The following TRERF1 variants were observed in gnomAD, a reference collection of about 807,000 sequenced individuals.
TRERF1 encodes the protein transcriptional regulating factor 1.
TRERF1 carries 27 observed loss-of-function variants against 122.9 expected under a neutral mutation model. The observed-to-expected ratio is 0.22, with a 90% confidence interval of 0.16 to 0.30. The LOEUF is 0.30. TRERF1 is among the 10% of genes least tolerant of loss of function. The pLI is 1.00. For synonymous variants in TRERF1, 636 were observed against 641.7 expected (o/e 0.99, Z 0.13); for missense variants, 1,248 against 1,560.3 (o/e 0.80, Z 3.37).
At chr6:42,398,951 T>C (rs963343209) in intron 2 of TRERF1, among the ~76,000 whole-genome samples, 9 of 152,192 alleles carry the variant, frequency 5.9e-5, no homozygotes, top group African/African-American at 2.2e-4. Context: ...TGTGTAGGCC[T>C]GATTCAAGCT....
chr6:42,267,218 T>C (rs1325336014), intron 5 of TRERF1, among the ~76,000 whole-genome samples: 1 of 152,012 alleles, frequency 6.6e-6, no homozygotes, highest in African/African-American at 2.4e-5. Flanking sequence ...CCTGTAGTTC[T>C]AGCTATGTGG....
intron 14 of TRERF1, among the ~76,000 whole-genome samples, chr6:42,244,885 G>A (rs1407341808): frequency 6.6e-6 from 1 of 152,234 alleles, no homozygotes; most frequent in Admixed American, 6.5e-5. Flanking sequence ...TTCATATGCT[G>A]TATGATCAGG....
chr6:42,267,640 CAAAAACAAAAAT>C (rs1382475775), intron 5 of TRERF1, among the ~76,000 whole-genome samples: 1 of 151,922 alleles, frequency 6.6e-6, no homozygotes. Context: ...TCAAAAAAAA[CAAAAACAAAAAT>C]AAAAACAAAA....
At chr6:42,312,898 G>A (rs1761915819) in intron 3 of TRERF1, among the ~76,000 whole-genome samples, 2 of 152,324 alleles carry the variant, frequency 1.3e-5, no homozygotes, top group South Asian at 2.1e-4. Flanking sequence ...GTGCCTGGTT[G>A]CCCAAATAGT....
chr6:42,307,395 T>C (rs1304435999), intron 3 of TRERF1, among the ~76,000 whole-genome samples: 2 of 152,216 alleles, frequency 1.3e-5, no homozygotes, highest in African/African-American at 4.8e-5. Flanking sequence ...ACTTAAATAT[T>C]TGGAGTAAAA....
chr6:42,243,971 G>A (rs537798651), intron 14 of TRERF1, among the ~76,000 whole-genome samples: 3 of 139,738 alleles, frequency 2.1e-5, no homozygotes, highest in Non-Finnish European at 3.1e-5. Context: ...CTCCACCTCC[G>A]AGATTCAAGC....
At chr6:42,242,436 T>C (rs1248564500) in intron 15 of TRERF1, among the ~76,000 whole-genome samples, 2 of 152,240 alleles carry the variant, frequency 1.3e-5, no homozygotes, top group Non-Finnish European at 2.9e-5. Context: ...ATACTTTCAC[T>C]GATGGTGACA....
intron 2 of TRERF1, among the ~76,000 whole-genome samples, chr6:42,436,812 AAAATATAT>A (rs1232976877): frequency 2.6e-3 from 251 of 97,930 alleles, no homozygotes; most frequent in African/African-American, 8.3e-3. Context: ...AAAAAAAAAA[AAAATATAT>A]ATATATATAT....
chr6:42,285,076 T>C (rs146552901), intron 4 of TRERF1, among the ~76,000 whole-genome samples: 2 of 152,284 alleles, frequency 1.3e-5, no homozygotes, highest in African/African-American at 4.8e-5. Flanking sequence ...TTGAGCAGTA[T>C]GGCCATTTTC....
exon 14 of TRERF1, chr6:42,246,528 G>A (rs1387279108): frequency 5.0e-6 from 8 of 1,602,516 alleles, no homozygotes; most frequent in Middle Eastern, 1.6e-4. Context: ...TTTCTAGGGA[G>A]GTCCACTTGT....
intron 2 of TRERF1, among the ~76,000 whole-genome samples, chr6:42,395,307 C>A (rs1235585699): frequency 6.6e-6 from 1 of 152,216 alleles, no homozygotes; most frequent in East Asian, 1.9e-4. Flanking sequence ...AAATGAACAG[C>A]AACCCAAGAT....
chr6:42,351,456 T>C (rs1769427246), intron 3 of TRERF1, among the ~76,000 whole-genome samples: 1 of 152,258 alleles, frequency 6.6e-6, no homozygotes, highest in African/African-American at 2.4e-5. Context: ...TTGAAAAAGA[T>C]TTAAAGACAC....
At position 42,257,103 on chromosome 6, in the gene TRERF1, C is replaced by G; in HGVS notation, c.2337-1G>C. On this transcript the variant is annotated splice_acceptor_variant, in intron 10 of 17. Transcript: ENST00000372922. LOFTEE classifies it high-confidence loss of function. ...GAATCTCAAGCCAATGTTGATGCGTCTTTAAATGACAAGAAGAAAAACAAC... is the reference window on the plus strand; with the variant it reads ...GAATCTCAAGCCAATGTTGATGCGTGTTTAAATGACAAGAAGAAAAACAAC... 1 of 1,613,930 alleles carries G rather than the reference C, an allele frequency of 6.2e-7. No individual in the cohort carries two copies. The highest frequency in any genetic ancestry group is 8.5e-7 in the Non-Finnish European group (1 of 1,179,982).
At chr6:42,325,213 C>T (rs1439029055) in intron 3 of TRERF1, among the ~76,000 whole-genome samples, 2 of 152,064 alleles carry the variant, frequency 1.3e-5, no homozygotes, top group Admixed American at 6.6e-5. Flanking sequence ...AGATACCATC[C>T]GACACCAGTC....
Position 42,228,372 on chromosome 6 carries a change from G to A in TRERF1, c.3576C>T (p.Val1192=), listed in dbSNP as rs1769828727. 9.3e-6 allele frequency: 15 copies of A among 1,613,664 alleles called. No individual in the cohort carries two copies. The East Asian group carries it at 3.1e-4, about 34-fold the overall frequency. ...ATAGTTCTGCGTCACCCTGAAGCAA[G>A]ACTGAATCTTGATCATCCAAGAGAA... Residue 1192 remains valine, a synonymous_variant, in exon 18 of 18, where the codon GTC becomes GTT. Transcript: ENST00000372922. This position sits in a 1 kb window ranked among gnomAD's most constrained non-coding sequence, Gnocchi z 4.2.
At chr6:42,373,491 C>G (rs994139325) in intron 2 of TRERF1, among the ~76,000 whole-genome samples, 7 of 152,030 alleles carry the variant, frequency 4.6e-5, no homozygotes, top group African/African-American at 1.7e-4. Context: ...CACAGTGAAA[C>G]CCCGTCTCTA....
At position 42,268,995 on chromosome 6, in the gene TRERF1, G is replaced by A; in HGVS notation, c.596C>T (p.Ser199Phe). The A allele has an allele frequency of 6.2e-7, 1 of 1,612,856 alleles. No individual in the cohort carries two copies. The highest frequency in any genetic ancestry group is 8.5e-7 in the Non-Finnish European group (1 of 1,179,036). The change falls in exon 5 of 18, where the codon TCC (serine) becomes TTC (phenylalanine). Residue 199 changes from serine (S) to phenylalanine (F), a missense_variant. Coordinates refer to ENST00000372922, the Ensembl canonical transcript of TRERF1. This position sits in a 1 kb window ranked among gnomAD's most constrained non-coding sequence, Gnocchi z 4.4. ...CTGCTGGGGCACCTGCTGGTAGCGG[G>A]AAGGGATAGCCGGTGCTGGGGGCTC...
At chr6:42,388,818 T>C (rs975310785) in intron 2 of TRERF1, among the ~76,000 whole-genome samples, 1 of 152,160 alleles carries the variant, frequency 6.6e-6, no homozygotes, top group African/African-American at 2.4e-5. Flanking sequence ...CAGTCCAGCT[T>C]ATGGCTTCCA....
intron 2 of TRERF1, among the ~76,000 whole-genome samples, chr6:42,445,354 ACACACAC>A (rs1165784233): frequency 1.2e-4 from 5 of 42,988 alleles, no homozygotes; most frequent in African/African-American, 3.1e-4. Flanking sequence ...ACACACACAG[ACACACAC>A]ACACACACAC....
Sources: allele counts gnomAD v4.1 joint callset (sites outside exome capture counted in the v4.1 genomes callset), GRCh38; gene constraint gnomAD v4.1.1; non-coding constraint Gnocchi (gnomAD v3.1); transcripts MANE v1.5; gene names NCBI Gene and HGNC (gene_info 2026-07-23, HGNC 2026-07-21).